C19orf12: variants seen among roughly 807,000 people sequenced by gnomAD.
C19orf12 encodes the protein protein C19orf12.
Under a neutral mutation model 3.8 loss-of-function variants are expected in C19orf12, and 2 were observed. The ratio of observed to expected loss-of-function variants is 0.53; its 90% CI spans 0.22 to 1.66. The LOEUF (loss-of-function observed/expected upper bound fraction) is 1.66, where lower values mean the gene tolerates loss of function less well. C19orf12 is among the 40% of genes most tolerant of loss of function. C19orf12 has a pLI of 0.20. For missense variants in C19orf12, 156 were observed against 188.8 expected (o/e 0.83, Z 1.02); for synonymous variants, 89 against 84.6 (o/e 1.05, Z -0.28).
rs1237853487 is a variant in C19orf12, at chr19:29,715,135, G to A, written c.-21C>T. Reference sequence around the variant, plus strand: ...CGGGCGCTCCTTTACCTGGGGGAGCGGAGGTCTACGCGGCGCGCTCGGCGA... The same window carrying A: ...CGGGCGCTCCTTTACCTGGGGGAGCAGAGGTCTACGCGGCGCGCTCGGCGA... On this transcript the variant is annotated 5_prime_UTR_variant, in exon 1 of 3. Coordinates refer to ENST00000323670, the MANE Select transcript of C19orf12 (RefSeq NM_031448.6). The A allele has an allele frequency of 1.7e-6, 1 of 593,914 alleles. No individual in the cohort carries two copies. The highest frequency in any genetic ancestry group is 3.0e-6 in the Non-Finnish European group (1 of 335,772). The allele number at this position is 593,914 out of a possible 1,614,324, so 36.8% of individuals were successfully genotyped here. A position where few individuals can be genotyped will look rare whatever the true frequency, so the allele number is the denominator to read the frequency against.
At position 29,699,472 on chromosome 19, in the gene C19orf12, G is replaced by C; in HGVS notation, c.*3240C>G. 2.5e-6 allele frequency: 1 copy of C among 404,334 alleles called. No individual in the cohort carries two copies. Among genetic ancestry groups the C allele is most frequent in the Non-Finnish European group, 4.7e-6 (1 of 214,548 alleles). 25.0% of individuals were successfully genotyped at this position (404,334 alleles called of 1,614,324 possible). A position where few individuals can be genotyped will look rare whatever the true frequency, so the allele number is the denominator to read the frequency against. ...CACTCCAGCCCGGGCGACAGTGCGA[G>C]ACTCCATCTCAAAAAAAAAAAAAAG... is the stretch of plus-strand genomic sequence containing the variant. On this transcript the variant is annotated 3_prime_UTR_variant, in exon 3 of 3. Transcript: ENST00000323670.
intron 1 of C19orf12, among the ~76,000 whole-genome samples, chr19:29,713,631 C>G (rs1197752119): frequency 1.3e-5 from 2 of 152,202 alleles, no homozygotes; most frequent in Non-Finnish European, 2.9e-5. Flanking sequence ...ATCCCACCAG[C>G]AAACAGTTTT....
At position 29,701,359 on chromosome 19, in the gene C19orf12, C is replaced by T. The variant is rs181525111; in HGVS notation, c.*1353G>A. On this transcript the variant is annotated 3_prime_UTR_variant, in exon 3 of 3. Transcript: ENST00000323670. ...TGGCATAGCGTTTGCACGTAACCTA[C>T]GCACACCTTCCTGTATAATTTAAAT... 6 of 454,094 alleles carry T rather than the reference C, an allele frequency of 1.3e-5. No homozygotes were observed. The highest frequency in any genetic ancestry group is 6.9e-5 in the East Asian group (1 of 14,398). 28.1% of individuals were successfully genotyped at this position (454,094 alleles called of 1,614,324 possible).
chr19:29,700,694 T>C lies in C19orf12; in HGVS notation c.*2018A>G, dbSNP rs1372742462. The C allele has an allele frequency of 2.2e-6, 1 of 454,122 alleles. No individual in the cohort carries two copies. The highest frequency in any genetic ancestry group is 2.3e-5 in the Admixed American group (1 of 42,572). 28.1% of individuals were successfully genotyped at this position (454,122 alleles called of 1,614,324 possible). A position where few individuals can be genotyped will look rare whatever the true frequency, so the allele number is the denominator to read the frequency against. On this transcript the variant is annotated 3_prime_UTR_variant, in exon 3 of 3. Coordinates refer to ENST00000323670, the MANE Select transcript of C19orf12 (RefSeq NM_031448.6). ...GTGGCCTGTGCTAGGGCACCTGATTTGTGCTAGACGAGGCCAGCAGAAGAG... is the reference window on the plus strand; with the variant it reads ...GTGGCCTGTGCTAGGGCACCTGATTCGTGCTAGACGAGGCCAGCAGAAGAG...
At chr19:29,704,436 C>A (rs1000725078) in intron 2 of C19orf12, among the ~76,000 whole-genome samples, 21 of 152,286 alleles carry the variant, frequency 1.4e-4, no homozygotes, top group African/African-American at 4.8e-4. Context: ...TGCACTCCAG[C>A]CTGGGCGACA....
rs1971980299 is a variant in C19orf12 at position 29,699,823 on chromosome 19, T to C, written c.*2889A>G. 1 of 449,638 alleles carries C rather than the reference T, an allele frequency of 2.2e-6. No individual in the cohort carries two copies. Among genetic ancestry groups the C allele is most frequent in the Admixed American group, 2.4e-5 (1 of 41,512 alleles). The allele number at this position is 449,638 out of a possible 1,614,324, so 27.9% of individuals were successfully genotyped here. ...TTTTGTACCAGGCAGGTATTACTTA[T>C]TCAAAAATAAATAAATTTCTACAAA... On this transcript the variant is annotated 3_prime_UTR_variant, in exon 3 of 3. Transcript: ENST00000323670.
intron 2 of C19orf12, among the ~76,000 whole-genome samples, chr19:29,704,747 C>T (rs569940961): frequency 6.6e-6 from 1 of 152,168 alleles, no homozygotes; most frequent in Non-Finnish European, 1.5e-5. Flanking sequence ...TTGGGCCTTA[C>T]CCGGCCTCTC....
Position 29,700,984 on chromosome 19 carries a change from T to C in C19orf12, c.*1728A>G, listed in dbSNP as rs919336992. The C allele has an allele frequency of 4.4e-6, 2 of 453,990 alleles. No homozygotes were observed. The highest frequency in any genetic ancestry group is 8.8e-6 in the Non-Finnish European group (2 of 226,796). The allele number at this position is 453,990 out of a possible 1,614,324, so 28.1% of individuals were successfully genotyped here. ...ATTGCCCAGGCTAGTTTCAAACTCT[T>C]GGCCTCAAGCGATCCTCCCACTTTG... On this transcript the variant is annotated 3_prime_UTR_variant, in exon 3 of 3. Coordinates refer to ENST00000323670, the MANE Select transcript of C19orf12 (RefSeq NM_031448.6).
rs1046283967 is a variant in C19orf12, at chr19:29,700,232, T to A, written c.*2480A>T. ...ACGAGTAAGAATGAATGGGGCCCAA[T>A]CGCCTAACAAAGGCAACTCAATTTC... On this transcript the variant is annotated 3_prime_UTR_variant, in exon 3 of 3. Coordinates refer to ENST00000323670, the MANE Select transcript of C19orf12 (RefSeq NM_031448.6). The A allele has an allele frequency of 4.4e-6, 2 of 453,880 alleles. No homozygotes were observed. The highest frequency in any genetic ancestry group is 2.0e-5 in the African/African-American group (1 of 49,974). 28.1% of individuals were successfully genotyped at this position (453,880 alleles called of 1,614,324 possible).
At chr19:29,709,934 C>T (rs758358936) in intron 1 of C19orf12, among the ~76,000 whole-genome samples, 4 of 151,802 alleles carry the variant, frequency 2.6e-5, no homozygotes, top group Admixed American at 6.6e-5. Context: ...TGCAGTGGTG[C>T]GATCATGGCT....
chr19:29,709,044 T>C (rs1972526829), intron 1 of C19orf12, among the ~76,000 whole-genome samples: 1 of 152,190 alleles, frequency 6.6e-6, no homozygotes, highest in Non-Finnish European at 1.5e-5. Context: ...CGACCCAGGA[T>C]GGCTCTGAAC....
At position 29,701,142 on chromosome 19, in the gene C19orf12, C is replaced by T. The variant is rs774345022; in HGVS notation, c.*1570G>A. 2.2e-6 allele frequency: 1 copy of T among 454,110 alleles called. No individual in the cohort carries two copies. The highest frequency in any genetic ancestry group is 4.4e-6 in the Non-Finnish European group (1 of 226,792). The allele number at this position is 454,110 out of a possible 1,614,324, so 28.1% of individuals were successfully genotyped here. ...CTTTGAATATTAGAGATATTTTACA[C>T]ATAATATGTGGGAAAATGGCTTTTT... On this transcript the variant is annotated 3_prime_UTR_variant, in exon 3 of 3. Transcript: ENST00000323670.
intron 1 of C19orf12, chr19:29,714,835 A>ACCCCCCCCCCCCCCCCC: frequency 2.6e-5 from 7 of 268,468 alleles, no homozygotes; most frequent in Non-Finnish European, 4.6e-5. Flanking sequence ...CACCCACCAC[A>ACCCCCCCCCCCCCCCCC]CCCATGCCTA....
Position 29,702,875 on chromosome 19 carries a change from A to G in C19orf12, c.263T>C (p.Leu88Pro). The change falls in exon 3 of 3, where the codon CTC becomes CCC. Residue 88 changes from leucine to proline, a missense_variant. Leu to Pro is a moderately conservative substitution (Grantham distance 98). Transcript: ENST00000323670. ...MELPPAEQQR[L>P]FNEAAAIIRH... is the part of the protein sequence containing the mutation. ...GATGATGGCTGCGGCTTCGTTAAAG[A>G]GCCTCTGTTGCTCGGCAGGGGGCAG... The G allele has an allele frequency of 1.2e-6, 2 of 1,614,136 alleles. No individual in the cohort carries two copies.
intron 1 of C19orf12, among the ~76,000 whole-genome samples, chr19:29,713,627 C>T (rs1972797610): frequency 6.6e-6 from 1 of 152,202 alleles, no homozygotes. Context: ...GTGGATCCCA[C>T]CAGCAAACAG....
Position 29,701,453 on chromosome 19 carries a change from T to C in C19orf12, c.*1259A>G, listed in dbSNP as rs1972078465. 2.2e-6 allele frequency: 1 copy of C among 454,180 alleles called. No individual in the cohort carries two copies. The highest frequency in any genetic ancestry group is 2.0e-5 in the African/African-American group (1 of 50,146). 28.1% of individuals were successfully genotyped at this position (454,180 alleles called of 1,614,324 possible). On this transcript the variant is annotated 3_prime_UTR_variant, in exon 3 of 3. Coordinates refer to ENST00000323670, the MANE Select transcript of C19orf12 (RefSeq NM_031448.6). ...TGTAAATATGCTACACCATATTGTT[T>C]AGGGAATAATGGCAAGAAAAAAAGG...
intron 1 of C19orf12, among the ~76,000 whole-genome samples, chr19:29,712,131 C>T (rs1972712074): frequency 6.6e-6 from 1 of 152,122 alleles, no homozygotes. Flanking sequence ...CACGGCCGGC[C>T]ACGGTGGCTC....
At chr19:29,708,080 T>C (rs947262751) in intron 2 of C19orf12, among the ~76,000 whole-genome samples, 174 bp downstream of exon 2, 1 of 152,150 alleles carries the variant, frequency 6.6e-6, no homozygotes, top group Non-Finnish European at 1.5e-5. Flanking sequence ...GGTTTCACCA[T>C]GTTGGCCAGG....
intron 1 of C19orf12, among the ~76,000 whole-genome samples, chr19:29,708,858 C>A (rs1464055048): frequency 6.6e-6 from 1 of 152,180 alleles, no homozygotes; most frequent in Non-Finnish European, 1.5e-5. Flanking sequence ...CAAGCCAGAG[C>A]CAGGGAAGGG....
Sources: gnomAD v4.1 joint callset for allele counts (sites outside exome capture counted in the v4.1 genomes callset) on GRCh38, gnomAD v4.1.1 for gene constraint, MANE v1.5 for transcripts, NCBI Gene and HGNC (gene_info 2026-07-23, HGNC 2026-07-21) for gene names.